The following FAM161A variants were observed in gnomAD, a reference collection of about 807,000 sequenced individuals.
FAM161A encodes the protein protein FAM161A.
A neutral mutation model predicts 70.9 loss-of-function variants in FAM161A; 57 were observed. The ratio of observed to expected loss-of-function variants is 0.80; its 90% CI spans 0.65 to 1.00. The LOEUF (loss-of-function observed/expected upper bound fraction) is 1.00. Among genes scored for constraint, FAM161A ranks in the 50% least tolerant of loss-of-function variants. The pLI, the probability that FAM161A is intolerant of heterozygous loss-of-function variation, is 0.00. For synonymous variants in FAM161A, 299 were observed against 295.7 expected (o/e 1.01, Z -0.12); for missense variants, 880 against 836.0 (o/e 1.05, Z -0.65).
intron 1 of FAM161A, among the ~76,000 whole-genome samples, chr2:61,843,814 A>G (rs1217196294): frequency 6.6e-6 from 1 of 152,130 alleles, no homozygotes; most frequent in South Asian, 2.1e-4. Flanking sequence ...ATGTTGTACT[A>G]CTTGGGGTAA....
the FAM161A span, among the ~76,000 whole-genome samples, chr2:61,811,588 G>T: frequency 6.6e-6 from 1 of 152,206 alleles, no homozygotes; most frequent in East Asian, 1.9e-4. Context: ...GGCCAGGTTG[G>T]TCTCGAACTC....
At chr2:61,817,825 G>A in the FAM161A span, among the ~76,000 whole-genome samples, 1 of 152,102 alleles carries the variant, frequency 6.6e-6, no homozygotes, top group African/African-American at 2.4e-5. Context: ...AAATTAGCAG[G>A]TGCGGTGGCT....
chr2:61,821,064 T>A (rs539138111), downstream of FAM161A, among the ~76,000 whole-genome samples: 1 of 152,134 alleles, frequency 6.6e-6, no homozygotes, highest in Admixed American at 6.5e-5. Flanking sequence ...TCTTTTTTTT[T>A]TTTTCTTAGA....
At chr2:61,830,900 G>A (rs1200813225) in intron 5 of FAM161A, among the ~76,000 whole-genome samples, 3 of 151,652 alleles carry the variant, frequency 2.0e-5, no homozygotes, top group Non-Finnish European at 4.4e-5. Context: ...CACAAGGTCA[G>A]GAGTTCGAGA....
chr2:61,802,464 T>C, the FAM161A span, among the ~76,000 whole-genome samples: 3 of 152,170 alleles, frequency 2.0e-5, no homozygotes, highest in Non-Finnish European at 4.4e-5. Context: ...CATTCTAATC[T>C]ATTAAAACAG....
chr2:61,849,783 CAA>C (rs764962950), intron 1 of FAM161A, among the ~76,000 whole-genome samples: 85 of 53,550 alleles, frequency 1.6e-3, no homozygotes, highest in African/African-American at 4.1e-3. Context: ...GACTCCATCA[CAA>C]AAAAAAAAAA....
chr2:61,816,670 T>C, the FAM161A span, among the ~76,000 whole-genome samples: 12 of 151,986 alleles, frequency 7.9e-5, no homozygotes, highest in Admixed American at 6.6e-4. Context: ...GGGGTCTTGC[T>C]ATGTTGCCCA....
At position 61,826,578 on chromosome 2, in the gene FAM161A, T is replaced by C. The variant is rs779412827; in HGVS notation, c.2028A>G (p.Ile676Met). 3 of 1,601,068 alleles carry C rather than the reference T, an allele frequency of 1.9e-6. No individual in the cohort carries two copies. The African/African-American group carries it at 4.0e-5, about 21-fold the overall frequency. ...TTTCTTCCCCATTCTCTCTTTCTTC[T>C]ATTTTTTCTTCTTCATTAAAGCTAG... ...DKESFNEEEK[I>M]EERENGEENY... Residue 676 changes from isoleucine to methionine, a missense_variant, in exon 7 of 7, where the codon ATA (isoleucine) becomes ATG (methionine). Physicochemically the swap from Ile to Met is conservative, Grantham distance 10. Coordinates refer to ENST00000404929, the MANE Select transcript of FAM161A (RefSeq NM_001201543.2).
At chr2:61,803,449 G>T in the FAM161A span, 1 of 641,822 alleles carries the variant, frequency 1.6e-6, no homozygotes, top group Non-Finnish European at 2.9e-6. Context: ...GGCCAGTGTT[G>T]GTGCTGGCAA....
At chr2:61,844,350 G>A (rs777581176) in intron 1 of FAM161A, among the ~76,000 whole-genome samples, 1 of 152,048 alleles carries the variant, frequency 6.6e-6, no homozygotes. Flanking sequence ...TTAAATATTT[G>A]GGGGCCATCC....
Position 61,853,919 on chromosome 2 carries a change from T to C in FAM161A, c.123A>G (p.Ala41=). The change falls in exon 1 of 7, where the codon GCA becomes GCG. Residue 41 remains alanine, a synonymous_variant. Coordinates refer to ENST00000404929, the MANE Select transcript of FAM161A (RefSeq NM_001201543.2). ...CTTCGTCCTCCAAGATCGCCTCCGC[T>C]GCCGCCAGGGCCTTTAAGGGGTCTT... is the stretch of plus-strand genomic sequence containing the variant. The part of the protein sequence containing the change: ...EREDPLKALA[A]AEAILEDEEE... 1 of 1,613,994 alleles carries C rather than the reference T, an allele frequency of 6.2e-7. No homozygotes were observed. Among genetic ancestry groups the C allele is most frequent in the Non-Finnish European group, 8.5e-7 (1 of 1,179,860 alleles).
the FAM161A span, among the ~76,000 whole-genome samples, chr2:61,817,188 T>G: frequency 2.0e-5 from 3 of 152,236 alleles, no homozygotes; most frequent in African/African-American, 7.2e-5. Context: ...AATTTGGCCA[T>G]GCCCCTCAGG....
At chr2:61,850,936 G>A (rs1284517226) in intron 1 of FAM161A, among the ~76,000 whole-genome samples, 2 of 152,108 alleles carry the variant, frequency 1.3e-5, no homozygotes, top group Non-Finnish European at 2.9e-5. Context: ...ATACAATGGC[G>A]TGATCTCGGC....
At chr2:61,850,482 T>C (rs1673461595) in intron 1 of FAM161A, among the ~76,000 whole-genome samples, 1 of 152,136 alleles carries the variant, frequency 6.6e-6, no homozygotes, top group South Asian at 2.1e-4. Flanking sequence ...CCAGGCACAG[T>C]GGCTCACGCC....
At chr2:61,837,525 T>G (rs927070019) in intron 4 of FAM161A, among the ~76,000 whole-genome samples, 2 of 152,154 alleles carry the variant, frequency 1.3e-5, no homozygotes, top group Non-Finnish European at 2.9e-5. Context: ...TCCCAGCACT[T>G]TGGGAGGCCA....
At chr2:61,830,768 CAA>C (rs1397062817) in intron 5 of FAM161A, among the ~76,000 whole-genome samples, 1 of 151,280 alleles carries the variant, frequency 6.6e-6, no homozygotes, top group Non-Finnish European at 1.5e-5. Context: ...CTCAGTTTCC[CAA>C]AGTGTTGGGA....
At chr2:61,803,060 C>T in the FAM161A span, 1 of 230,272 alleles carries the variant, frequency 4.3e-6, no homozygotes. Context: ...GGGTAGGCCA[C>T]CATCATGAAC....
chr2:61,853,059 G>A (rs999442746), intron 1 of FAM161A, among the ~76,000 whole-genome samples: 5 of 149,844 alleles, frequency 3.3e-5, no homozygotes, highest in African/African-American at 9.9e-5. Flanking sequence ...TTACAGGGGC[G>A]CACCACCACG....
intron 3 of FAM161A, among the ~76,000 whole-genome samples, chr2:61,839,098 T>C (rs889101876): frequency 2.6e-5 from 4 of 151,770 alleles, no homozygotes; most frequent in African/African-American, 9.7e-5. Context: ...TCGGCCAGGG[T>C]GGTCTTGAAC....
Sources: gnomAD v4.1 joint callset for allele counts (sites outside exome capture counted in the v4.1 genomes callset) on GRCh38, gnomAD v4.1.1 for gene constraint, MANE v1.5 for transcripts, NCBI Gene and HGNC (gene_info 2026-07-23, HGNC 2026-07-21) for gene names.